The following MAP3K5 variants were observed in gnomAD, a reference collection of about 807,000 sequenced individuals.
The protein encoded by MAP3K5 is ASK-1.
In MAP3K5, 56 loss-of-function variants were observed where a neutral mutation model predicts 158.7. The ratio of observed to expected loss-of-function variants is 0.35; its 90% CI spans 0.28 to 0.44. The LOEUF (loss-of-function observed/expected upper bound fraction) is 0.44, where lower values mean the gene tolerates loss of function less well. Ranked by LOEUF, MAP3K5 falls within the 20% of genes least tolerant of loss-of-function variation. MAP3K5 has a pLI of 1.00. For missense variants in MAP3K5, 1,294 were observed against 1,674.8 expected, an observed-to-expected ratio of 0.77 and a Z score of 3.97; for synonymous variants, 579 against 601.7, an observed-to-expected ratio of 0.96 and a Z score of 0.55.
At position 136,783,276 on chromosome 6, in the gene MAP3K5, T is replaced by TAA. The variant is rs11436876; in HGVS notation, c.448+8432_448+8433dup. On this transcript the variant is annotated intron_variant, in intron 1 of 29. Transcript: ENST00000359015. ...CCTGGGTGACAGAGCAAGATCTTCT[T>TAA]AAAAAAAAAAAAAACCCACAACTAC... Among the ~76,000 whole-genome samples the TAA allele has an allele frequency of 7.9e-3, 1,141 of 144,124 alleles. 15 individuals are homozygous for TAA. Among genetic ancestry groups the TAA allele is most frequent in the African/African-American group, 0.024 (941 of 39,334 alleles). The allele number at this position is 144,124 out of a possible 152,430, so 94.6% of individuals were successfully genotyped here.
chr6:136,685,548 G>GA (rs1335992518), intron 7 of MAP3K5, among the ~76,000 whole-genome samples: 1 of 152,126 alleles, frequency 6.6e-6, no homozygotes, highest in Non-Finnish European at 1.5e-5. Context: ...GAGAATTGCA[G>GA]AAAGAGTTCG....
chr6:136,563,238 T>C (rs1057042118), intron 26 of MAP3K5, among the ~76,000 whole-genome samples: 1 of 152,114 alleles, frequency 6.6e-6, no homozygotes, highest in African/African-American at 2.4e-5. Context: ...TGTCCTGATA[T>C]TTCTTGTTAT....
At chr6:136,619,317 T>G (rs1776702361) in intron 15 of MAP3K5, among the ~76,000 whole-genome samples, 1 of 152,162 alleles carries the variant, frequency 6.6e-6, no homozygotes, top group Non-Finnish European at 1.5e-5. Context: ...AGGAAGCAGA[T>G]CACCTATGGC....
chr6:136,699,101 G>A (rs529063326), intron 3 of MAP3K5, among the ~76,000 whole-genome samples: 15 of 152,200 alleles, frequency 9.9e-5, no homozygotes, highest in South Asian at 2.1e-4. Context: ...AGGTGATGCC[G>A]CAAGTAGATC....
rs1239310116 is a variant in MAP3K5 at position 136,752,106 on chromosome 6, C to T, written c.449-31517G>A. On this transcript the variant is annotated intron_variant, in intron 1 of 29. Transcript: ENST00000359015. The stretch of plus-strand genomic sequence containing the variant: ...TTCCTACTTCCATCCCTCCTTCTCC[C>T]GTTCCCTCTCTCCCTCATTCATTCA... Among the ~76,000 whole-genome samples the T allele has an allele frequency of 2.0e-5, 3 of 152,140 alleles. No individual in the cohort carries two copies. In the East Asian group the frequency reaches 5.8e-4, roughly 29 times the overall value.
chr6:136,730,041 C>T (rs1031177282), intron 1 of MAP3K5, among the ~76,000 whole-genome samples: 3 of 152,188 alleles, frequency 2.0e-5, no homozygotes, highest in South Asian at 2.1e-4. Flanking sequence ...GATGCAATCA[C>T]GGCTCACTGC....
rs989193979 is a variant in MAP3K5, at chr6:136,792,271, C to T, written c.-114G>A. On this transcript the variant is annotated 5_prime_UTR_variant, in exon 1 of 30. Transcript: ENST00000359015. This position sits in a 1 kb window ranked among gnomAD's most constrained non-coding sequence, Gnocchi z 5.7. ...CGGGCTAAGCAGCTGCCATCGCGCGCCGCGCCCTCGCCGCCGCGCCGCCGC... is the reference window on the plus strand; with the variant it reads ...CGGGCTAAGCAGCTGCCATCGCGCGTCGCGCCCTCGCCGCCGCGCCGCCGC... 26 of 1,162,464 alleles carry T rather than the reference C, an allele frequency of 2.2e-5. No homozygotes were observed. Among genetic ancestry groups the T allele is most frequent in the Non-Finnish European group, 2.5e-5 (24 of 948,138 alleles). 72.0% of individuals were successfully genotyped at this position (1,162,464 alleles called of 1,614,324 possible).
intron 5 of MAP3K5, among the ~76,000 whole-genome samples, chr6:136,696,850 T>G (rs1248788933): frequency 6.6e-6 from 1 of 152,208 alleles, no homozygotes; most frequent in Non-Finnish European, 1.5e-5. Context: ...GGATAAAAGG[T>G]ATGTCCAGAA....
chr6:136,775,383 G>A (rs1403521153), intron 1 of MAP3K5, among the ~76,000 whole-genome samples: 1 of 152,204 alleles, frequency 6.6e-6, no homozygotes, highest in Non-Finnish European at 1.5e-5. Context: ...TAAGTCATTA[G>A]AAGCTTGTAA....
chr6:136,725,679 C>G (rs1478199399), intron 1 of MAP3K5, among the ~76,000 whole-genome samples: 1 of 151,982 alleles, frequency 6.6e-6, no homozygotes, highest in African/African-American at 2.4e-5. Flanking sequence ...TGTGTCTTTA[C>G]AAGAGAATTT....
chr6:136,664,724 A>T (rs914812498), intron 8 of MAP3K5, among the ~76,000 whole-genome samples: 4 of 152,204 alleles, frequency 2.6e-5, no homozygotes, highest in Non-Finnish European at 4.4e-5. Context: ...TGAGGCCAGG[A>T]GTTCAAGACC....
chr6:136,670,841 GA>G (rs1259015142), intron 7 of MAP3K5, among the ~76,000 whole-genome samples: 1 of 152,012 alleles, frequency 6.6e-6, no homozygotes, highest in East Asian at 1.9e-4. Flanking sequence ...TATGGAATAT[GA>G]AAAAAGGTAC....
chr6:136,557,552 T>A lies in MAP3K5; in HGVS notation c.*206A>T, dbSNP rs1830303997. On this transcript the variant is annotated 3_prime_UTR_variant, in exon 30 of 30. Coordinates refer to ENST00000359015, the MANE Select transcript of MAP3K5 (RefSeq NM_005923.4). ...TTCAGGATTATTTTAAGAGTCCTTA[T>A]GAAGAGTCCTTAAAAATTATAGAAA... 1.9e-6 allele frequency: 1 copy of A among 518,094 alleles called. No individual in the cohort carries two copies. The highest frequency in any genetic ancestry group is 3.5e-5 in the Admixed American group (1 of 28,538). 32.1% of individuals were successfully genotyped at this position (518,094 alleles called of 1,614,324 possible).
chr6:136,753,249 A>T (rs903250860), intron 1 of MAP3K5, among the ~76,000 whole-genome samples: 19 of 152,242 alleles, frequency 1.2e-4, no homozygotes, highest in Non-Finnish European at 2.1e-4. Flanking sequence ...CTGAGTTGTC[A>T]GTCCATTAAA....
At chr6:136,759,747 G>A (rs1208134853) in intron 1 of MAP3K5, among the ~76,000 whole-genome samples, 4 of 143,522 alleles carry the variant, frequency 2.8e-5, no homozygotes, top group Non-Finnish European at 6.0e-5. Context: ...GTGAGCTACC[G>A]CACCCAGCCC....
chr6:136,678,148 G>GT (rs756811840), intron 7 of MAP3K5, among the ~76,000 whole-genome samples: 5 of 151,606 alleles, frequency 3.3e-5, no homozygotes, highest in East Asian at 1.9e-4. Flanking sequence ...TATTTTCTGG[G>GT]TTTTTTTTAT....
intron 19 of MAP3K5, among the ~76,000 whole-genome samples, chr6:136,604,729 G>A (rs758211898): frequency 1.3e-5 from 2 of 151,696 alleles, no homozygotes; most frequent in Non-Finnish European, 2.9e-5. Flanking sequence ...GTAGGTATAT[G>A]AGAATAAGAC....
At chr6:136,729,999 G>A (rs1417108192) in intron 1 of MAP3K5, among the ~76,000 whole-genome samples, 1 of 152,154 alleles carries the variant, frequency 6.6e-6, no homozygotes, top group Non-Finnish European at 1.5e-5. Context: ...CTGAGACAGG[G>A]TCTCACTCTG....
At chr6:136,644,320 G>T (rs1242265356) in intron 11 of MAP3K5, among the ~76,000 whole-genome samples, 1 of 152,166 alleles carries the variant, frequency 6.6e-6, no homozygotes, top group Admixed American at 6.5e-5. Context: ...CCTACCTGTA[G>T]GACACACCAC....
Sources: gnomAD v4.1 joint callset for allele counts (sites outside exome capture counted in the v4.1 genomes callset) on GRCh38, gnomAD v4.1.1 for gene constraint, Gnocchi (gnomAD v3.1) non-coding constraint, MANE v1.5 for transcripts, NCBI Gene and HGNC (gene_info 2026-07-23, HGNC 2026-07-21) for gene names.